The following ARAP1 variants were observed in gnomAD, a reference collection of about 807,000 sequenced individuals.
ARAP1 encodes ArfGAP with RhoGAP domain, ankyrin repeat and PH domain 1.
In ARAP1, 76 loss-of-function variants were observed where a neutral mutation model predicts 172.2. The ratio of observed to expected loss-of-function variants is 0.44; its 90% CI spans 0.37 to 0.53. The LOEUF is 0.53. Ranked by LOEUF, ARAP1 falls within the 20% of genes least tolerant of loss-of-function variation. The pLI is 0.00. For missense variants in ARAP1, 1,686 were observed against 1,977.5 expected (o/e 0.85, Z 2.80); for synonymous variants, 804 against 803.3 (o/e 1.00, Z -0.01).
At position 72,711,311 on chromosome 11, in the gene ARAP1, A is replaced by G. The variant is rs1857002153; in HGVS notation, c.1092+119T>C. 5 of 1,467,588 alleles carry G rather than the reference A, an allele frequency of 3.4e-6. No homozygotes were observed. In the East Asian group the frequency reaches 1.1e-4, roughly 34 times the overall value. The allele number at this position is 1,467,588 out of a possible 1,614,324, so 90.9% of individuals were successfully genotyped here. A position where few individuals can be genotyped will look rare whatever the true frequency, so the allele number is the denominator to read the frequency against. On this transcript the variant is annotated intron_variant, in intron 8 of 34. Coordinates refer to ENST00000393609, the MANE Select transcript of ARAP1 (RefSeq NM_001040118.3). ...GCAGAGGGCCAGGAGGACATGGGTT[A>G]AGGGGTCAGACTTAGAACTCTGGCG...
At chr11:72,722,648 G>A (rs1440404056) in intron 3 of ARAP1, among the ~76,000 whole-genome samples, 1 of 152,214 alleles carries the variant, frequency 6.6e-6, no homozygotes, top group Non-Finnish European at 1.5e-5. Context: ...GGGCAGTCAA[G>A]GGCACAGGAG....
chr11:72,711,009 C>T lies in ARAP1; in HGVS notation c.1213+12G>A. On this transcript the variant is annotated intron_variant, in intron 9 of 34. Coordinates refer to ENST00000393609, the MANE Select transcript of ARAP1 (RefSeq NM_001040118.3). Reference sequence around the variant, plus strand: ...TCTTCTACACACACACACAACACCCCACACTCCCCACCATCACTCTCTGCC... The same window carrying T: ...TCTTCTACACACACACACAACACCCTACACTCCCCACCATCACTCTCTGCC... 1 of 1,614,170 alleles carries T rather than the reference C, an allele frequency of 6.2e-7. No individual in the cohort carries two copies. The highest frequency in any genetic ancestry group is 2.2e-5 in the East Asian group (1 of 44,884).
intron 14 of ARAP1, chr11:72,703,520 G>A: frequency 6.0e-6 from 1 of 165,768 alleles, no homozygotes; most frequent in Admixed American, 5.6e-5. Context: ...AGGCTAGACT[G>A]GGTTGGGCTG....
At chr11:72,690,402 A>C (rs751558730) in intron 30 of ARAP1, among the ~76,000 whole-genome samples, 15 of 152,300 alleles carry the variant, frequency 9.8e-5, no homozygotes, top group Non-Finnish European at 1.8e-4. Flanking sequence ...GATGTCAGTC[A>C]ATGCAATCTC....
Position 72,710,499 on chromosome 11 carries a change from T to C in ARAP1, c.1302A>G (p.Gly434=), listed in dbSNP as rs771966758. ...RARLSSAYLL[G]VPGSEQPDRA... is the part of the protein sequence containing the mutation. ...GGTCAGGCTGCTCTGAGCCTGGAAC[T>C]CCCAGCAGATAAGCGCTAGAGAGCC... Residue 434 remains glycine, a synonymous_variant, in exon 10 of 35, where the codon GGA becomes GGG. Coordinates refer to ENST00000393609, the MANE Select transcript of ARAP1 (RefSeq NM_001040118.3). This position sits in a 1 kb window ranked among gnomAD's most constrained non-coding sequence, Gnocchi z 4.3. 6.2e-7 allele frequency: 1 copy of C among 1,614,000 alleles called. No homozygotes were observed. Among genetic ancestry groups the C allele is most frequent in the Non-Finnish European group, 8.5e-7 (1 of 1,179,984 alleles).
intron 1 of ARAP1, among the ~76,000 whole-genome samples, chr11:72,735,095 G>A (rs1416449712): frequency 6.6e-6 from 1 of 151,790 alleles, no homozygotes; most frequent in Non-Finnish European, 1.5e-5. Context: ...ATTATCCCAC[G>A]TCAGCCTCCC....
At chr11:72,731,374 T>G (rs1177509926) in intron 2 of ARAP1, among the ~76,000 whole-genome samples, 2 of 152,176 alleles carry the variant, frequency 1.3e-5, no homozygotes, top group Non-Finnish European at 2.9e-5. Context: ...CTCCCCATGG[T>G]AACAAGTGAG....
In ARAP1 at chr11:72,710,172, C is replaced by CG. The variant is rs1856949412; in HGVS notation, c.1417-197dup. ...GCCCACACAGCAATGAACAGAGGTGCGGGGGAGCAAGGGCCAGGGCAGGGA... is the reference window on the plus strand; with the variant it reads ...GCCCACACAGCAATGAACAGAGGTGCGGGGGGAGCAAGGGCCAGGGCAGGGA... On this transcript the variant is annotated intron_variant, in intron 10 of 34. Transcript: ENST00000393609. This position sits in a 1 kb window ranked among gnomAD's most constrained non-coding sequence, Gnocchi z 4.3. Among the ~76,000 whole-genome samples, 1 of 147,334 alleles carries CG rather than the reference C, an allele frequency of 6.8e-6. No individual in the cohort carries two copies. The highest frequency in any genetic ancestry group is 2.5e-5 in the African/African-American group (1 of 39,508).
chr11:72,700,742 G>A (rs34502849), intron 16 of ARAP1, among the ~76,000 whole-genome samples: 42,029 of 152,164 alleles, frequency 0.28, 7,116 homozygotes, highest in Non-Finnish European at 0.39. Flanking sequence ...GGTGACTCAC[G>A]CCTGTAATCC....
chr11:72,688,553 G>A lies in ARAP1; in HGVS notation c.3988-16C>T. ...GCCGGTGACTCTGAGGTAGGGCAAG[G>A]AGAAGAGGGCACTTTAGTCTGCAGA... On this transcript the variant is annotated splice_polypyrimidine_tract_variant and intron_variant, in intron 30 of 34. Transcript: ENST00000393609. The A allele has an allele frequency of 3.1e-6, 5 of 1,607,058 alleles. No homozygotes were observed. In the South Asian group the frequency reaches 5.6e-5, roughly 18 times the overall value.
chr11:72,710,728 G>A lies in ARAP1; in HGVS notation c.1214-141C>T. The A allele has an allele frequency of 9.5e-7, 1 of 1,051,010 alleles. No individual in the cohort carries two copies. Among genetic ancestry groups the A allele is most frequent in the South Asian group, 1.7e-5 (1 of 60,342 alleles). 65.1% of individuals were successfully genotyped at this position (1,051,010 alleles called of 1,614,324 possible). A position where few individuals can be genotyped will look rare whatever the true frequency, so the allele number is the denominator to read the frequency against. ...TCATTTTGCTTGACTTCTCTGACTTGAACGAGCTCAGGCTCCAATCCCAGC... is the reference window on the plus strand; with the variant it reads ...TCATTTTGCTTGACTTCTCTGACTTAAACGAGCTCAGGCTCCAATCCCAGC... On this transcript the variant is annotated intron_variant, in intron 9 of 34. Transcript: ENST00000393609. This position sits in a 1 kb window ranked among gnomAD's most constrained non-coding sequence, Gnocchi z 4.3.
chr11:72,687,630 G>A (rs367895167), intron 32 of ARAP1, 58 bp downstream of exon 32: 21 of 1,613,150 alleles, frequency 1.3e-5, no homozygotes, highest in Non-Finnish European at 1.8e-5. Flanking sequence ...ACACAATGAA[G>A]GGGGACGTGC....
chr11:72,706,815 C>T (rs1042362113), intron 12 of ARAP1, among the ~76,000 whole-genome samples: 6 of 152,228 alleles, frequency 3.9e-5, no homozygotes, highest in African/African-American at 1.4e-4. Flanking sequence ...CATGCAAAGC[C>T]CTGCCTGGCC....
At chr11:72,742,633 G>A (rs576671692) in intron 1 of ARAP1, among the ~76,000 whole-genome samples, 1 of 152,346 alleles carries the variant, frequency 6.6e-6, no homozygotes, top group South Asian at 2.1e-4. Context: ...AGGAAGTCAT[G>A]GAGGACAGCA....
intron 3 of ARAP1, among the ~76,000 whole-genome samples, chr11:72,724,575 G>A (rs1857631833): frequency 6.6e-6 from 1 of 150,840 alleles, no homozygotes; most frequent in Non-Finnish European, 1.5e-5. Context: ...ACAGCACTCA[G>A]TCTTGGCCTG....
chr11:72,686,975 G>A (rs963616439), intron 33 of ARAP1, among the ~76,000 whole-genome samples: 19 of 152,154 alleles, frequency 1.2e-4, no homozygotes, highest in Non-Finnish European at 7.3e-5. Context: ...AGCACTCCTG[G>A]CTTCTCCCCT....
intron 32 of ARAP1, 27 bp downstream of exon 32, chr11:72,687,661 G>A (rs750812323): frequency 3.1e-6 from 5 of 1,613,870 alleles, no homozygotes; most frequent in Non-Finnish European, 4.2e-6. Context: ...CCTCAGCCTG[G>A]GATCTCAGGA....
chr11:72,686,079 C>T lies in ARAP1; in HGVS notation c.4298G>A (p.Arg1433His), dbSNP rs887744886. Residue 1433 changes from arginine (R) to histidine (H), a missense_variant, in exon 34 of 35, where the codon CGC (arginine) becomes CAC (histidine). By Grantham distance (29) the Arg-to-His change is conservative (BLOSUM62 0). Around this residue, in one of 5 missense-constraint regions of ARAP1, gnomAD observed 379 missense variants for 500.1 expected, o/e 0.76. Coordinates refer to ENST00000393609, the MANE Select transcript of ARAP1 (RefSeq NM_001040118.3). ...CGCGGTGAAGGCAGCCACACTCCGGCGCATTTCATTTTCACTACCTCGAAG... is the reference window on the plus strand; with the variant it reads ...CGCGGTGAAGGCAGCCACACTCCGGTGCATTTCATTTTCACTACCTCGAAG... Reference protein sequence around the residue: ...IPLRGSENEMRRSVAAFTADP... With the variant: ...IPLRGSENEMHRSVAAFTADP... 2.5e-6 allele frequency: 4 copies of T among 1,613,984 alleles called. No individual in the cohort carries two copies. Among genetic ancestry groups the T allele is most frequent in the African/African-American group, 2.7e-5 (2 of 74,930 alleles).
At position 72,693,161 on chromosome 11, in the gene ARAP1, G is replaced by T; in HGVS notation, c.3954+164C>A. On this transcript the variant is annotated intron_variant, in intron 29 of 34. Transcript: ENST00000393609. This position sits in a 1 kb window ranked among gnomAD's most constrained non-coding sequence, Gnocchi z 4.6. ...GGGCACACTAGAGTGGCCGTCCAGG[G>T]CCACAGCAGGAGGGGTCTTGAGAGT... 8.7e-7 allele frequency: 1 copy of T among 1,144,528 alleles called. No homozygotes were observed. Among genetic ancestry groups the T allele is most frequent in the Non-Finnish European group, 1.2e-6 (1 of 830,068 alleles). The allele number at this position is 1,144,528 out of a possible 1,614,324, so 70.9% of individuals were successfully genotyped here.
Sources: gnomAD v4.1 joint callset for allele counts (sites outside exome capture counted in the v4.1 genomes callset) on GRCh38, gnomAD v4.1.1 for gene constraint, gnomAD v4.1.1 regional missense constraint, Gnocchi (gnomAD v3.1) non-coding constraint, MANE v1.5 for transcripts, NCBI Gene and HGNC (gene_info 2026-07-23, HGNC 2026-07-21) for gene names.